Variants in SYT2 observed in about 807,000 individuals in gnomAD.
SYT2 encodes the protein synaptotagmin 2.
Under a neutral mutation model 39.9 loss-of-function variants are expected in SYT2, and 15 were observed. The ratio of observed to expected loss-of-function variants is 0.38; its 90% confidence interval spans 0.25 to 0.58. The LOEUF is 0.58. Among genes scored for constraint, SYT2 ranks in the 20% least tolerant of loss-of-function variants. The probability of loss-of-function intolerance (pLI) is 0.70; values close to 1 mark genes in which losing one functional copy is unlikely to be tolerated. For synonymous variants in SYT2, 181 were observed against 204.5 expected, an observed-to-expected ratio of 0.89 and a Z score of 0.98; for missense variants, 389 against 530.3, an observed-to-expected ratio of 0.73 and a Z score of 2.62.
rs1690491649 is a variant in SYT2 at position 202,601,155 on chromosome 1, C to T, written c.802-681G>A. Reference sequence around the variant, plus strand: ...CTGTAGGCAGGCTGAGGACCCAGGGCTCCTAATTCCTAAGGCCAACACCAC... The same window carrying T: ...CTGTAGGCAGGCTGAGGACCCAGGGTTCCTAATTCCTAAGGCCAACACCAC... On this transcript the variant is annotated intron_variant, in intron 6 of 8. Coordinates refer to ENST00000367268, the MANE Select transcript of SYT2 (RefSeq NM_177402.5). This position sits in a 1 kb window ranked among gnomAD's most constrained non-coding sequence, Gnocchi z 4.0. Among the ~76,000 whole-genome samples the T allele has an allele frequency of 6.6e-6, 1 of 152,168 alleles. No individual in the cohort carries two copies. The highest frequency in any genetic ancestry group is 2.1e-4 in the South Asian group (1 of 4,830).
chr1:202,705,722 CTTT>C (rs33940077), intron 1 of SYT2, among the ~76,000 whole-genome samples: 2 of 145,132 alleles, frequency 1.4e-5, no homozygotes, highest in Non-Finnish European at 1.5e-5. Flanking sequence ...TTTGGGAGTC[CTTT>C]TTTTTTTTTT....
At chr1:202,676,188 C>T (rs1315019276) in intron 1 of SYT2, among the ~76,000 whole-genome samples, 1 of 152,190 alleles carries the variant, frequency 6.6e-6, no homozygotes, top group Non-Finnish European at 1.5e-5. Context: ...CCCTTCCCCC[C>T]ACCCAATTCA....
chr1:202,595,474 G>C lies in SYT2; in HGVS notation c.*1283C>G, dbSNP rs1247832933. 1 of 152,274 alleles carries C rather than the reference G, an allele frequency of 6.6e-6. No individual in the cohort carries two copies. The highest frequency in any genetic ancestry group is 2.4e-5 in the African/African-American group (1 of 41,458). The allele number at this position is 152,274 out of a possible 1,614,324, so 9.4% of individuals were successfully genotyped here. A position where few individuals can be genotyped will look rare whatever the true frequency, so the allele number is the denominator to read the frequency against. On this transcript the variant is annotated 3_prime_UTR_variant, in exon 9 of 9. Coordinates refer to ENST00000367268, the MANE Select transcript of SYT2 (RefSeq NM_177402.5). Reference sequence around the variant, plus strand: ...CAGCATGGAGGGCAGAGGGCCAAGGGAGCAAGGAGTGGGAGTCGGGGGAAT... The same window carrying C: ...CAGCATGGAGGGCAGAGGGCCAAGGCAGCAAGGAGTGGGAGTCGGGGGAAT...
chr1:202,685,870 G>C (rs1012271559), intron 1 of SYT2, among the ~76,000 whole-genome samples: 2 of 152,054 alleles, frequency 1.3e-5, no homozygotes, highest in Non-Finnish European at 2.9e-5. Context: ...AGCAAGGCGA[G>C]GGAATGAGAT....
At position 202,594,033 on chromosome 1, in the gene SYT2, C is replaced by A. The variant is rs547293441; in HGVS notation, c.*2724G>T. 5.3e-5 allele frequency: 8 copies of A among 152,188 alleles called. No homozygotes were observed. The highest frequency in any genetic ancestry group is 8.8e-5 in the Non-Finnish European group (6 of 68,102). 9.4% of individuals were successfully genotyped at this position (152,188 alleles called of 1,614,324 possible). On this transcript the variant is annotated 3_prime_UTR_variant, in exon 9 of 9. Transcript: ENST00000367268. ...CGTCAGCCCTCAGGTATGGAAAACACACAAGCAGAAGCATGTTCCCACCAA... is the reference window on the plus strand; with the variant it reads ...CGTCAGCCCTCAGGTATGGAAAACAAACAAGCAGAAGCATGTTCCCACCAA...
chr1:202,651,004 G>A (rs1692181180), intron 1 of SYT2, among the ~76,000 whole-genome samples: 1 of 152,122 alleles, frequency 6.6e-6, no homozygotes, highest in African/African-American at 2.4e-5. Flanking sequence ...TGGGGTGGGA[G>A]GGGCATTGGA....
At chr1:202,613,684 C>A (rs1014675671) in intron 1 of SYT2, among the ~76,000 whole-genome samples, 23 of 152,224 alleles carry the variant, frequency 1.5e-4, no homozygotes, top group Non-Finnish European at 3.1e-4. Context: ...TCCATTCTAC[C>A]CTTGCCGCTG....
intron 1 of SYT2, among the ~76,000 whole-genome samples, chr1:202,699,605 G>T (rs1654062073): frequency 6.6e-6 from 1 of 152,206 alleles, no homozygotes; most frequent in Middle Eastern, 3.2e-3. Context: ...AAACTGGATT[G>T]TAGTGATAGC....
At chr1:202,635,309 A>G (rs1362294385) in intron 1 of SYT2, among the ~76,000 whole-genome samples, 11 of 152,106 alleles carry the variant, frequency 7.2e-5, no homozygotes, top group Non-Finnish European at 1.2e-4. Flanking sequence ...CCCTGTCCCA[A>G]TGAGGCCACT....
chr1:202,710,067 C>A (rs1654358176), intron 1 of SYT2, among the ~76,000 whole-genome samples, 191 bp downstream of exon 1: 4 of 152,102 alleles, frequency 2.6e-5, no homozygotes, highest in African/African-American at 9.7e-5. Flanking sequence ...CCGAGACGAA[C>A]CTTCCATCCG....
intron 1 of SYT2, among the ~76,000 whole-genome samples, chr1:202,621,799 T>C (rs762338387): frequency 3.3e-5 from 5 of 152,244 alleles, no homozygotes; most frequent in Admixed American, 6.5e-5. Context: ...GAAGCCCTGC[T>C]GTCTCCTCTA....
At chr1:202,664,871 G>A (rs79851660) in intron 1 of SYT2, among the ~76,000 whole-genome samples, 247 of 152,248 alleles carry the variant, frequency 1.6e-3, no homozygotes, top group African/African-American at 5.5e-3. Context: ...GTGGGCCAGG[G>A]TCATCTCGAA....
intron 1 of SYT2, among the ~76,000 whole-genome samples, chr1:202,693,735 T>C (rs1300131637): frequency 6.6e-6 from 1 of 152,220 alleles, no homozygotes; most frequent in Non-Finnish European, 1.5e-5. Context: ...AAAGATGCAC[T>C]GTCCATTCCT....
intron 6 of SYT2, 114 bp from the exon 7 acceptor site, chr1:202,600,588 A>G: frequency 1.2e-6 from 1 of 862,140 alleles, no homozygotes; most frequent in East Asian, 2.5e-5. Context: ...TGCCTCCCTC[A>G]TCACCAGTCC....
intron 1 of SYT2, among the ~76,000 whole-genome samples, chr1:202,641,800 T>C (rs945698432): frequency 1.3e-5 from 2 of 152,198 alleles, no homozygotes; most frequent in African/African-American, 2.4e-5. Context: ...CTTTAACCTA[T>C]AGTCATCTGT....
At chr1:202,709,095 C>G (rs971400881) in intron 1 of SYT2, among the ~76,000 whole-genome samples, 4 of 151,814 alleles carry the variant, frequency 2.6e-5, no homozygotes, top group East Asian at 1.9e-4. Context: ...GCTTCCTGGG[C>G]GCCCCCAGAT....
At chr1:202,674,959 G>A (rs1180276296) in intron 1 of SYT2, among the ~76,000 whole-genome samples, 1 of 151,584 alleles carries the variant, frequency 6.6e-6, no homozygotes, top group East Asian at 1.9e-4. Flanking sequence ...ACTACCATCT[G>A]AAGTTATCTT....
intron 1 of SYT2, among the ~76,000 whole-genome samples, chr1:202,678,038 C>A (rs959880649): frequency 2.6e-5 from 4 of 152,138 alleles, no homozygotes; most frequent in Non-Finnish European, 5.9e-5. Flanking sequence ...CTTTGAGAGG[C>A]CAAGGCGGGT....
intron 1 of SYT2, among the ~76,000 whole-genome samples, chr1:202,617,317 T>C (rs1691072530): frequency 6.6e-6 from 1 of 152,088 alleles, no homozygotes; most frequent in African/African-American, 2.4e-5. Flanking sequence ...CAGGGTCAGA[T>C]CTAGTGATAG....
Sources: gnomAD v4.1 joint callset for allele counts (sites outside exome capture counted in the v4.1 genomes callset) on GRCh38, gnomAD v4.1.1 for gene constraint, Gnocchi (gnomAD v3.1) non-coding constraint, MANE v1.5 for transcripts, NCBI Gene and HGNC (gene_info 2026-07-23, HGNC 2026-07-21) for gene names.